The following SDK2 variants were observed in gnomAD, a reference collection of about 807,000 sequenced individuals.
SDK2 encodes the protein sidekick cell adhesion molecule 2.
In SDK2, 105 loss-of-function variants were observed where a neutral mutation model predicts 253.9. That is an observed-to-expected ratio of 0.41 (90% confidence interval 0.35 to 0.49). The LOEUF is 0.49. SDK2 is among the 20% of genes least tolerant of loss of function. SDK2 has a pLI of 0.06. For synonymous variants in SDK2, 1,249 were observed against 1,234.9 expected, an observed-to-expected ratio of 1.01 and a Z score of -0.24; for missense variants, 2,608 against 3,003.0, an observed-to-expected ratio of 0.87 and a Z score of 3.07.
intron 32 of SDK2, among the ~76,000 whole-genome samples, chr17:73,384,496 G>A (rs2062856649): frequency 6.6e-6 from 1 of 152,184 alleles, no homozygotes; most frequent in Non-Finnish European, 1.5e-5. Context: ...AAGGGTGAGT[G>A]TGCCCCTCAC....
In SDK2 at chr17:73,495,292, A is replaced by G. The variant is rs534524498; in HGVS notation, c.224+12146T>C. ...ACCTCACTGTAGGTCATGGTTCTCA[A>G]TGGGGGTGCTGTTGCCCCAGGACAC... On this transcript the variant is annotated intron_variant, in intron 2 of 44. Coordinates refer to ENST00000392650, the MANE Select transcript of SDK2 (RefSeq NM_001144952.2). Among the ~76,000 whole-genome samples, 23 of 152,314 alleles carry G rather than the reference A, an allele frequency of 1.5e-4. No homozygotes were observed. The South Asian group carries it at 3.7e-3, about 25-fold the overall frequency.
At chr17:73,602,266 A>G (rs1471038238) in intron 1 of SDK2, among the ~76,000 whole-genome samples, 1 of 152,150 alleles carries the variant, frequency 6.6e-6, no homozygotes, top group African/African-American at 2.4e-5. Flanking sequence ...AGAGACTGAG[A>G]AGGAGCCCAG....
Position 73,447,055 on chromosome 17 carries a change from C to A in SDK2, c.613+560G>T, listed in dbSNP as rs1693325305. On this transcript the variant is annotated intron_variant, in intron 5 of 44. Transcript: ENST00000392650. The surrounding 1 kb of genome is among the most constrained non-coding windows in gnomAD (Gnocchi z 4.0). Reference sequence around the variant, plus strand: ...GTGGTGAGTTCTAGGGAGGGCTTTGCCCTTTTCGCCCAGGGAGCTGGAGGT... The same window carrying A: ...GTGGTGAGTTCTAGGGAGGGCTTTGACCTTTTCGCCCAGGGAGCTGGAGGT... Among the ~76,000 whole-genome samples the A allele has an allele frequency of 6.6e-6, 1 of 152,128 alleles. No individual in the cohort carries two copies. Among genetic ancestry groups the A allele is most frequent in the African/African-American group, 2.4e-5 (1 of 41,426 alleles).
chr17:73,377,518 C>T (rs2062792766), intron 36 of SDK2, among the ~76,000 whole-genome samples: 1 of 151,158 alleles, frequency 6.6e-6, no homozygotes, highest in Non-Finnish European at 1.5e-5. Flanking sequence ...CACACCTGGC[C>T]CATGTTCCTT....
At chr17:73,578,646 A>G (rs913708441) in intron 1 of SDK2, among the ~76,000 whole-genome samples, 1 of 152,122 alleles carries the variant, frequency 6.6e-6, no homozygotes, top group Non-Finnish European at 1.5e-5. Flanking sequence ...GACAGCATGA[A>G]GGTCCCGGAG....
In SDK2 at chr17:73,336,910, G is replaced by C. The variant is rs1047268740; in HGVS notation, c.*1677C>G. ...CCTTACAGGGCTGGCTGAGGGCACA[G>C]AGGGCCTTGGACAATGTATGGAGTT... On this transcript the variant is annotated 3_prime_UTR_variant, in exon 45 of 45. Coordinates refer to ENST00000392650, the MANE Select transcript of SDK2 (RefSeq NM_001144952.2). 7 of 144,942 alleles carry C rather than the reference G, an allele frequency of 4.8e-5. No individual in the cohort carries two copies. Among genetic ancestry groups the C allele is most frequent in the African/African-American group, 1.1e-4 (4 of 37,120 alleles). 9.0% of individuals were successfully genotyped at this position (144,942 alleles called of 1,614,324 possible). A position where few individuals can be genotyped will look rare whatever the true frequency, so the allele number is the denominator to read the frequency against.
chr17:73,534,188 C>G lies in SDK2; in HGVS notation c.65-26591G>C, dbSNP rs922731677. Among the ~76,000 whole-genome samples the G allele has an allele frequency of 1.3e-5, 2 of 152,138 alleles. No homozygotes were observed. Among genetic ancestry groups the G allele is most frequent in the Non-Finnish European group, 2.9e-5 (2 of 68,036 alleles). ...ACCACGGGACAATGCAGTGCAATGG[C>G]TGGTAGGAGAGACTCAGTACATCCT... On this transcript the variant is annotated intron_variant, in intron 1 of 44. Transcript: ENST00000392650. This position sits in a 1 kb window ranked among gnomAD's most constrained non-coding sequence, Gnocchi z 4.9.
rs115315093 is a variant in SDK2 at position 73,473,770 on chromosome 17, A to T, written c.225-1552T>A. Among the ~76,000 whole-genome samples, 233 of 152,346 alleles carry T rather than the reference A, an allele frequency of 1.5e-3. 1 individual carries two copies. The highest frequency in any genetic ancestry group is 5.2e-3 in the African/African-American group (217 of 41,580). On this transcript the variant is annotated intron_variant, in intron 2 of 44. Transcript: ENST00000392650. ...TATCATGAACCAGTAACACTTAAAA[A>T]AGTGGGACCAACATGAGACTGTGAA...
In SDK2 at chr17:73,337,072, T is replaced by TGTG. The variant is rs1270807213; in HGVS notation, c.*1512_*1514dup. On this transcript the variant is annotated 3_prime_UTR_variant, in exon 45 of 45. Coordinates refer to ENST00000392650, the MANE Select transcript of SDK2 (RefSeq NM_001144952.2). The stretch of plus-strand genomic sequence containing the variant: ...ATGTGTATGTGTGTGTGTGTGTGTG[T>TGTG]GTGTGTGTGTAAAAGCATTCCCTCC... 2 of 152,034 alleles carry TGTG rather than the reference T, an allele frequency of 1.3e-5. No individual in the cohort carries two copies. Among genetic ancestry groups the TGTG allele is most frequent in the African/African-American group, 4.8e-5 (2 of 41,278 alleles). 9.4% of individuals were successfully genotyped at this position (152,034 alleles called of 1,614,324 possible). A position where few individuals can be genotyped will look rare whatever the true frequency, so the allele number is the denominator to read the frequency against.
At chr17:73,428,591 C>T (rs1166029523) in intron 12 of SDK2, among the ~76,000 whole-genome samples, 1 of 152,160 alleles carries the variant, frequency 6.6e-6, no homozygotes, top group Non-Finnish European at 1.5e-5. Flanking sequence ...TACGTTTGCA[C>T]CCACCTAATA....
At position 73,609,452 on chromosome 17, in the gene SDK2, G is replaced by C. The variant is rs916767343; in HGVS notation, c.64+34573C>G. Among the ~76,000 whole-genome samples the C allele has an allele frequency of 1.3e-5, 2 of 152,208 alleles. No homozygotes were observed. The highest frequency in any genetic ancestry group is 2.9e-5 in the Non-Finnish European group (2 of 68,042). On this transcript the variant is annotated intron_variant, in intron 1 of 44. Coordinates refer to ENST00000392650, the MANE Select transcript of SDK2 (RefSeq NM_001144952.2). The surrounding 1 kb of genome is among the most constrained non-coding windows in gnomAD (Gnocchi z 4.4). ...GCAGGGCTGAGAACCAGCCCCAGCA[G>C]AGCAGCTTCAGTGGAAGCCCGACTG...
chr17:73,631,458 C>T (rs950519781), intron 1 of SDK2, among the ~76,000 whole-genome samples: 1 of 152,220 alleles, frequency 6.6e-6, no homozygotes, highest in African/African-American at 2.4e-5. Context: ...GGCAGAAGCC[C>T]CTCTTCCATT....
rs192657472 is a variant in SDK2, at chr17:73,477,551, G to A, written c.225-5333C>T. On this transcript the variant is annotated intron_variant, in intron 2 of 44. Coordinates refer to ENST00000392650, the MANE Select transcript of SDK2 (RefSeq NM_001144952.2). ...TGACTGTAAAATGGGAATAATGATG[G>A]CCATCTTTGATGTGGGCATCCAGCG... Among the ~76,000 whole-genome samples the A allele has an allele frequency of 4.6e-3, 699 of 152,310 alleles. 6 individuals carry two copies. Among genetic ancestry groups the A allele is most frequent in the African/African-American group, 0.015 (607 of 41,562 alleles).
intron 1 of SDK2, among the ~76,000 whole-genome samples, chr17:73,553,986 AG>A: frequency 6.6e-6 from 1 of 152,006 alleles, no homozygotes; most frequent in South Asian, 2.1e-4. Context: ...GCATGGAGGG[AG>A]GGTTACTAGG....
chr17:73,462,414 T>C (rs909226771), intron 3 of SDK2, among the ~76,000 whole-genome samples: 3 of 148,974 alleles, frequency 2.0e-5, no homozygotes, highest in Non-Finnish European at 3.0e-5. Context: ...TGGATGTCCA[T>C]ATATGGATGC....
chr17:73,399,212 A>T lies in SDK2; in HGVS notation c.3049T>A (p.Tyr1017Asn). The change falls in exon 22 of 45, where the codon TAC (tyrosine) becomes AAC (asparagine). Residue 1017 changes from tyrosine (Y) to asparagine (N), a missense_variant. Tyr to Asn is a moderately radical substitution (Grantham distance 143, BLOSUM62 -2). Coordinates refer to ENST00000392650, the MANE Select transcript of SDK2 (RefSeq NM_001144952.2). ...RSVTLQFRPG[Y>N]DGKTSISRWL... ...CGGGAGATGGAGGTTTTCCCATCGT[A>T]GCCTGGCCTGAACTGCAAGGTCACA... 1 of 1,613,934 alleles carries T rather than the reference A, an allele frequency of 6.2e-7. No individual in the cohort carries two copies. The highest frequency in any genetic ancestry group is 1.1e-5 in the South Asian group (1 of 91,072).
intron 3 of SDK2, among the ~76,000 whole-genome samples, chr17:73,463,157 T>C (rs2063575318): frequency 6.6e-6 from 1 of 152,200 alleles, no homozygotes; most frequent in Non-Finnish European, 1.5e-5. Context: ...CTTGCCACAC[T>C]GACTCCCCGA....
rs577199627 is a variant in SDK2 at position 73,364,373 on chromosome 17, G to A, written c.5305+885C>T. The stretch of plus-strand genomic sequence containing the variant: ...GATGAACAGGGTTAAGGACAAGAGC[G>A]AGGTCATTTGCAGAGCAGGGCTCTT... On this transcript the variant is annotated intron_variant, in intron 38 of 44. Coordinates refer to ENST00000392650, the MANE Select transcript of SDK2 (RefSeq NM_001144952.2). Among the ~76,000 whole-genome samples the A allele has an allele frequency of 8.5e-5, 13 of 152,246 alleles. No individual in the cohort carries two copies. In the South Asian group the frequency reaches 1.9e-3, roughly 22 times the overall value.
chr17:73,483,121 T>G (rs1006827321), intron 2 of SDK2, among the ~76,000 whole-genome samples: 1 of 151,880 alleles, frequency 6.6e-6, no homozygotes, highest in East Asian at 1.9e-4. Context: ...CCCTCAAGAC[T>G]GCTCTGCGGT....
Sources: gnomAD v4.1 joint callset for allele counts (sites outside exome capture counted in the v4.1 genomes callset) on GRCh38, gnomAD v4.1.1 for gene constraint, Gnocchi (gnomAD v3.1) non-coding constraint, MANE v1.5 for transcripts, NCBI Gene and HGNC (gene_info 2026-07-23, HGNC 2026-07-21) for gene names.